OXR1: variants seen among roughly 807,000 people sequenced by gnomAD.
The protein encoded by OXR1 is oxidation resistance protein 1.
OXR1 carries 41 observed loss-of-function variants against 104.6 expected under a neutral mutation model. The ratio of observed to expected loss-of-function variants is 0.39; its 90% confidence interval spans 0.31 to 0.51. The LOEUF is 0.51. Among genes scored for constraint, OXR1 ranks in the 20% least tolerant of loss-of-function variants. The probability of loss-of-function intolerance (pLI) is 0.77; values close to 1 mark genes in which losing one functional copy is unlikely to be tolerated. For synonymous variants in OXR1, 348 were observed against 348.4 expected (o/e 1.00, Z 0.01); for missense variants, 955 against 1,031.9 (o/e 0.93, Z 1.02).
In OXR1 at chr8:106,692,670, G is replaced by A. The variant is rs1829424251; in HGVS notation, c.526-58G>A. On this transcript the variant is annotated intron_variant, in intron 6 of 16. Transcript: ENST00000517566. Reference sequence around the variant, plus strand: ...TATTCATTTGACTTTTTAATAGTGTGCTCATTTTTATTTTGTTTTCTGCTT... The same window carrying A: ...TATTCATTTGACTTTTTAATAGTGTACTCATTTTTATTTTGTTTTCTGCTT... 3.7e-6 allele frequency: 4 copies of A among 1,075,764 alleles called. No homozygotes were observed. The South Asian group carries it at 8.2e-5, about 22-fold the overall frequency. The allele number at this position is 1,075,764 out of a possible 1,614,324, so 66.6% of individuals were successfully genotyped here. A position where few individuals can be genotyped will look rare whatever the true frequency, so the allele number is the denominator to read the frequency against.
At chr8:106,490,618 G>A (rs1010700312) in intron 2 of OXR1, among the ~76,000 whole-genome samples, 7 of 152,002 alleles carry the variant, frequency 4.6e-5, no homozygotes, top group East Asian at 3.9e-4. Context: ...CTCCTGCCTC[G>A]GTCTCCCAAA....
At chr8:106,321,461 T>C (rs1297963404) in intron 1 of OXR1, among the ~76,000 whole-genome samples, 2 of 152,072 alleles carry the variant, frequency 1.3e-5, no homozygotes, top group African/African-American at 4.8e-5. Context: ...GAGGTTGATG[T>C]TGAGGTAGGG....
chr8:106,409,010 C>A (rs1818356688), intron 2 of OXR1, among the ~76,000 whole-genome samples: 1 of 152,122 alleles, frequency 6.6e-6, no homozygotes, highest in Non-Finnish European at 1.5e-5. Flanking sequence ...AAAATTCCCC[C>A]ATACTCCCTT....
At chr8:106,463,280 T>G (rs1821005117) in intron 2 of OXR1, among the ~76,000 whole-genome samples, 1 of 152,078 alleles carries the variant, frequency 6.6e-6, no homozygotes, top group Admixed American at 6.6e-5. Context: ...AGGAAGAGAT[T>G]TAATGGGAGG....
chr8:106,639,384 T>G (rs745445106), intron 3 of OXR1, among the ~76,000 whole-genome samples: 11 of 152,184 alleles, frequency 7.2e-5, no homozygotes, highest in Non-Finnish European at 1.2e-4. Context: ...TTCTGTAAAT[T>G]TTATTTTATA....
chr8:106,627,935 T>A (rs772850433), intron 3 of OXR1, among the ~76,000 whole-genome samples: 22 of 152,180 alleles, frequency 1.4e-4, no homozygotes, highest in Non-Finnish European at 3.1e-4. Context: ...ATGCTTACTA[T>A]TACACAGAGA....
At chr8:106,529,060 T>C (rs78930684) in intron 3 of OXR1, among the ~76,000 whole-genome samples, 6,804 of 152,294 alleles carry the variant, frequency 0.045, 177 homozygotes, top group Middle Eastern at 0.068. Context: ...TTGTTACACA[T>C]GGAAGCTAAA....
At chr8:106,641,406 A>G (rs1369271701) in intron 3 of OXR1, among the ~76,000 whole-genome samples, 1 of 152,228 alleles carries the variant, frequency 6.6e-6, no homozygotes, top group East Asian at 1.9e-4. Context: ...CATCAGGATC[A>G]ATAGAAGCAT....
intron 3 of OXR1, among the ~76,000 whole-genome samples, chr8:106,527,380 G>A (rs1813764896): frequency 6.6e-6 from 1 of 152,080 alleles, no homozygotes; most frequent in African/African-American, 2.4e-5. Flanking sequence ...TTAAAACCCG[G>A]CAGTGGTTCC....
At chr8:106,442,275 A>G (rs1249987680) in intron 2 of OXR1, among the ~76,000 whole-genome samples, 1 of 152,176 alleles carries the variant, frequency 6.6e-6, no homozygotes, top group Non-Finnish European at 1.5e-5. Flanking sequence ...AGACTTGATC[A>G]TGGTGGGTAA....
chr8:106,438,901 C>T (rs1171395414), intron 2 of OXR1, among the ~76,000 whole-genome samples: 5 of 152,016 alleles, frequency 3.3e-5, no homozygotes, highest in African/African-American at 1.2e-4. Context: ...CCCCCACCTG[C>T]ATATGAATTG....
At chr8:106,611,627 CA>C (rs1421028670) in intron 3 of OXR1, among the ~76,000 whole-genome samples, 1 of 152,118 alleles carries the variant, frequency 6.6e-6, no homozygotes, top group East Asian at 1.9e-4. Context: ...GTGTTTGTCC[CA>C]CGCAAATTGG....
At chr8:106,379,720 C>T (rs1475284612) in intron 2 of OXR1, among the ~76,000 whole-genome samples, 1 of 151,424 alleles carries the variant, frequency 6.6e-6, no homozygotes, top group Non-Finnish European at 1.5e-5. Flanking sequence ...GTATTTTTAT[C>T]ATGGTAGAGA....
chr8:106,474,029 A>G (rs934330197), intron 2 of OXR1, among the ~76,000 whole-genome samples: 4 of 145,030 alleles, frequency 2.8e-5, no homozygotes, highest in Non-Finnish European at 4.6e-5. Flanking sequence ...ACACACACAC[A>G]CACACACACA....
chr8:106,649,704 T>C (rs926438849), intron 3 of OXR1, among the ~76,000 whole-genome samples: 23 of 151,948 alleles, frequency 1.5e-4, no homozygotes, highest in Admixed American at 7.2e-4. Flanking sequence ...AATATATATA[T>C]ATATATACTT....
chr8:106,343,143 C>T (rs905557), intron 1 of OXR1, among the ~76,000 whole-genome samples: 38,074 of 152,090 alleles, frequency 0.25, 7,781 homozygotes, highest in African/African-American at 0.56. Context: ...TTATAATCTT[C>T]TCCCAGTTTG....
intron 3 of OXR1, chr8:106,658,215 C>A (rs1417229301): frequency 2.1e-5 from 26 of 1,233,176 alleles, no homozygotes; most frequent in Non-Finnish European, 2.4e-5. Context: ...GCCTCCCGCG[C>A]GGCCGACCTG....
chr8:106,497,320 A>C (rs1175822659), intron 2 of OXR1, among the ~76,000 whole-genome samples: 1 of 152,214 alleles, frequency 6.6e-6, no homozygotes, highest in Non-Finnish European at 1.5e-5. Flanking sequence ...TTGGGGATTC[A>C]ATTAATGGAG....
chr8:106,320,268 C>T (rs1024110423), intron 1 of OXR1, among the ~76,000 whole-genome samples: 1 of 152,160 alleles, frequency 6.6e-6, no homozygotes, highest in Non-Finnish European at 1.5e-5. Flanking sequence ...CCCATTGTCC[C>T]TACAGATCTT....
Sources: gnomAD v4.1 joint callset for allele counts (sites outside exome capture counted in the v4.1 genomes callset) on GRCh38, gnomAD v4.1.1 for gene constraint, MANE v1.5 for transcripts, NCBI Gene and HGNC (gene_info 2026-07-23, HGNC 2026-07-21) for gene names.